The following SSU72 variants were observed in gnomAD, a reference collection of about 807,000 sequenced individuals.
SSU72 encodes SSU72 homolog, RNA polymerase II CTD phosphatase.
In SSU72, 12 loss-of-function variants were observed where a neutral mutation model predicts 22.7. The observed-to-expected ratio is 0.53, with a 90% CI of 0.34 to 0.86. The LOEUF (loss-of-function observed/expected upper bound fraction) is 0.86, where lower values mean the gene tolerates loss of function less well. SSU72 is among the 40% of genes least tolerant of loss of function. The pLI, the probability that SSU72 is intolerant of heterozygous loss-of-function variation, is 0.02. For synonymous variants in SSU72, 116 were observed against 98.3 expected, an observed-to-expected ratio of 1.18 and a Z score of -1.06; for missense variants, 151 against 249.8, an observed-to-expected ratio of 0.60 and a Z score of 2.67.
At chr1:1,573,207 G>T (rs938947546) in intron 1 of SSU72, among the ~76,000 whole-genome samples, 1 of 149,518 alleles carries the variant, frequency 6.7e-6, no homozygotes, top group Non-Finnish European at 1.5e-5. Flanking sequence ...AGATCACGAG[G>T]TCATAAGATC....
intron 2 of SSU72, chr1:1,562,582 G>T (rs1298900664): frequency 1.3e-5 from 2 of 152,270 alleles, no homozygotes; most frequent in Non-Finnish European, 2.9e-5. Context: ...AAGACTCAGA[G>T]GTGAAGATGG....
chr1:1,572,669 G>A (rs1642745726), intron 1 of SSU72, among the ~76,000 whole-genome samples: 2 of 151,010 alleles, frequency 1.3e-5, no homozygotes, highest in Admixed American at 1.3e-4. Flanking sequence ...GTGTTAGCCA[G>A]GATAGTCTCA....
At chr1:1,572,449 A>G (rs901876124) in intron 1 of SSU72, among the ~76,000 whole-genome samples, 4 of 149,628 alleles carry the variant, frequency 2.7e-5, no homozygotes, top group Non-Finnish European at 5.9e-5. Flanking sequence ...TTCTACTCCA[A>G]CTTTATTTTA....
intron 1 of SSU72, among the ~76,000 whole-genome samples, chr1:1,574,080 G>A (rs1173808625): frequency 6.6e-6 from 1 of 151,676 alleles, no homozygotes. Flanking sequence ...TAAAAAAAGA[G>A]ACCGCTTTGT....
At chr1:1,546,947 T>G (rs1392992064) in intron 2 of SSU72, among the ~76,000 whole-genome samples, 7 of 148,050 alleles carry the variant, frequency 4.7e-5, no homozygotes, top group African/African-American at 1.7e-4. Flanking sequence ...CAGGAGAAGC[T>G]TGAACCTGGG....
At chr1:1,567,728 C>A (rs944158890) in intron 1 of SSU72, among the ~76,000 whole-genome samples, 10 of 151,994 alleles carry the variant, frequency 6.6e-5, no homozygotes, top group South Asian at 2.1e-4. Context: ...AACAGCCTGG[C>A]CAACATGGTG....
At chr1:1,570,181 T>C (rs1023202908) in intron 1 of SSU72, among the ~76,000 whole-genome samples, 6 of 150,734 alleles carry the variant, frequency 4.0e-5, no homozygotes, top group Non-Finnish European at 8.9e-5. Flanking sequence ...GTAATCCAAA[T>C]GCTTTGGGGC....
In SSU72 at chr1:1,542,131, C is replaced by T. The variant is rs1171926980; in HGVS notation, c.520G>A (p.Glu174Lys). The change falls in exon 5 of 5, where the codon GAG becomes AAG. Residue 174 changes from glutamate to lysine, a missense_variant. Transcript: ENST00000291386. This position sits in a 1 kb window ranked among gnomAD's most constrained non-coding sequence, Gnocchi z 4.4. ...TTCTCCTCGAACTCCTGCAGCAGCT[C>T]GTCGATCTCGTTCTCCATGTCTTCC... ...HTEDMENEID[E>K]LLQEFEEKSG... 1.3e-6 allele frequency: 2 copies of T among 1,593,542 alleles called. No individual in the cohort carries two copies. The highest frequency in any genetic ancestry group is 1.7e-6 in the Non-Finnish European group (2 of 1,170,248).
chr1:1,551,551 A>AT (rs1269819586), intron 2 of SSU72, among the ~76,000 whole-genome samples: 1 of 104,276 alleles, frequency 9.6e-6, no homozygotes, highest in East Asian at 7.8e-4. Context: ...TGCTACCTGT[A>AT]CACTCAGATT....
chr1:1,554,281 A>G lies in SSU72; in HGVS notation c.225-9279T>C, dbSNP rs571192209. Among the ~76,000 whole-genome samples, 2 of 151,806 alleles carry G rather than the reference A, an allele frequency of 1.3e-5. No individual in the cohort carries two copies. The highest frequency in any genetic ancestry group is 1.9e-4 in the East Asian group (1 of 5,168). On this transcript the variant is annotated intron_variant, in intron 2 of 4. Coordinates refer to ENST00000291386, the MANE Select transcript of SSU72 (RefSeq NM_014188.3). The surrounding 1 kb of genome is among the most constrained non-coding windows in gnomAD (Gnocchi z 4.1). ...CCACTCGGGGGCCCCCACGAAGCTGAGCACGAGACGGATCCGGACCACTCG... is the reference window on the plus strand; with the variant it reads ...CCACTCGGGGGCCCCCACGAAGCTGGGCACGAGACGGATCCGGACCACTCG...
At chr1:1,562,829 C>T (rs1029461236) in intron 2 of SSU72, 5 of 152,458 alleles carry the variant, frequency 3.3e-5, no homozygotes, top group Admixed American at 6.5e-5. Flanking sequence ...CCTCAGAAAT[C>T]CTTAGAGATT....
intron 2 of SSU72, among the ~76,000 whole-genome samples, chr1:1,560,289 A>G (rs757017458): frequency 6.6e-6 from 1 of 152,064 alleles, no homozygotes; most frequent in Admixed American, 6.6e-5. Context: ...CTTCCCGAGT[A>G]GCTGTGCCAC....
At chr1:1,548,285 G>A (rs575977527) in intron 2 of SSU72, among the ~76,000 whole-genome samples, 2 of 152,306 alleles carry the variant, frequency 1.3e-5, no homozygotes, top group South Asian at 2.1e-4. Context: ...CCAGCTGGGC[G>A]CGGTGGCTCA....
chr1:1,544,836 C>T (rs1340818839), intron 3 of SSU72, 27 bp downstream of exon 3: 4 of 1,613,904 alleles, frequency 2.5e-6, no homozygotes, highest in South Asian at 1.1e-5. Flanking sequence ...TGCTGGAGCC[C>T]AGCCCAGCAC....
rs777049695 is a variant in SSU72, at chr1:1,564,774, GTTCT to G, written c.219_222del (p.Lys73AsnfsTer34). On this transcript the variant is annotated frameshift_variant and splice_region_variant, in exon 2 of 5. Coordinates refer to ENST00000291386, the MANE Select transcript of SSU72 (RefSeq NM_014188.3). LOFTEE classifies it high-confidence loss of function. Reference sequence around the variant, plus strand: ...TTAAAGGGCAACCCGCTGGGATACAGTTCTTTGTCTTTCCTAAGAAGATCATTGT... The same window carrying G: ...TTAAAGGGCAACCCGCTGGGATACAGTTGTCTTTCCTAAGAAGATCATTGT... The G allele has an allele frequency of 1.9e-6, 3 of 1,614,236 alleles. No individual in the cohort carries two copies. Among genetic ancestry groups the G allele is most frequent in the Non-Finnish European group, 8.5e-7 (1 of 1,180,052 alleles).
chr1:1,560,846 T>C (rs1320613878), intron 2 of SSU72: 1 of 152,196 alleles, frequency 6.6e-6, no homozygotes, highest in African/African-American at 2.4e-5. Context: ...ATAAATTAAG[T>C]ATTTCAATAC....
chr1:1,560,825 A>AAAT (rs999694619), intron 2 of SSU72: 5 of 152,258 alleles, frequency 3.3e-5, no homozygotes, highest in African/African-American at 1.2e-4. Flanking sequence ...ATATCTAAAA[A>AAAT]AATAATAATA....
At position 1,542,203 on chromosome 1, in the gene SSU72, C is replaced by T. The variant is rs868259670; in HGVS notation, c.484-36G>A. The T allele has an allele frequency of 6.5e-7, 1 of 1,547,204 alleles. No individual in the cohort carries two copies. The highest frequency in any genetic ancestry group is 1.7e-4 in the Middle Eastern group (1 of 5,962). Reference sequence around the variant, plus strand: ...AGGACCGTGGTGAGGGCCTTGCCCACTCCTGCCTGTCTGCTCCCCCTAACA... The same window carrying T: ...AGGACCGTGGTGAGGGCCTTGCCCATTCCTGCCTGTCTGCTCCCCCTAACA... On this transcript the variant is annotated intron_variant, in intron 4 of 4. Coordinates refer to ENST00000291386, the MANE Select transcript of SSU72 (RefSeq NM_014188.3). This position sits in a 1 kb window ranked among gnomAD's most constrained non-coding sequence, Gnocchi z 4.4.
intron 1 of SSU72, among the ~76,000 whole-genome samples, chr1:1,574,170 C>T (rs1007794726): frequency 6.6e-6 from 1 of 152,192 alleles, no homozygotes; most frequent in Non-Finnish European, 1.5e-5. Flanking sequence ...CACGAAATAC[C>T]ATGATCGGCC....
Sources: gnomAD v4.1 joint callset for allele counts (sites outside exome capture counted in the v4.1 genomes callset) on GRCh38, gnomAD v4.1.1 for gene constraint, Gnocchi (gnomAD v3.1) non-coding constraint, MANE v1.5 for transcripts, NCBI Gene and HGNC (gene_info 2026-07-23, HGNC 2026-07-21) for gene names.